EPRS1: variants seen among roughly 807,000 people sequenced by gnomAD.
The protein encoded by EPRS1 is glutamyl-prolyl-tRNA synthetase 1, also known as bifunctional glutamate/proline--tRNA ligase.
Under a neutral mutation model 188.3 loss-of-function variants are expected in EPRS1, and 107 were observed. The ratio of observed to expected loss-of-function variants is 0.57; its 90% CI spans 0.49 to 0.67. The LOEUF (loss-of-function observed/expected upper bound fraction) is 0.67, where lower values mean the gene tolerates loss of function less well. EPRS1 is among the 30% of genes least tolerant of loss of function. EPRS1 has a pLI of 0.00. For synonymous variants in EPRS1, 596 were observed against 593.1 expected (o/e 1.00, Z -0.07); for missense variants, 1,577 against 1,802.2 (o/e 0.88, Z 2.26).
intron 13 of EPRS1, among the ~76,000 whole-genome samples, chr1:220,010,575 G>A (rs985266086): frequency 2.3e-4 from 35 of 152,096 alleles, no homozygotes; most frequent in African/African-American, 6.8e-4. Context: ...ACTTTGGGAG[G>A]CCGACGCAGG....
chr1:220,036,963 A>T (rs1662193357), intron 2 of EPRS1, among the ~76,000 whole-genome samples: 1 of 152,172 alleles, frequency 6.6e-6, no homozygotes, highest in African/African-American at 2.4e-5. Flanking sequence ...TAATAGCCAA[A>T]ATTAAAAACC....
chr1:219,988,440 C>G (rs1558046627), intron 19 of EPRS1, 150 bp downstream of exon 19: 2 of 610,310 alleles, frequency 3.3e-6, no homozygotes, highest in African/African-American at 3.7e-5. Context: ...AAACAATCAA[C>G]AAAGTTTCTC....
At chr1:220,043,937 G>A (rs1662349417) in intron 1 of EPRS1, among the ~76,000 whole-genome samples, 1 of 152,140 alleles carries the variant, frequency 6.6e-6, no homozygotes, top group Admixed American at 6.6e-5. Flanking sequence ...ATAGAACAAG[G>A]ATGGGGTCTG....
At chr1:220,040,570 G>GC (rs1310926481) in intron 1 of EPRS1, among the ~76,000 whole-genome samples, 1 of 152,228 alleles carries the variant, frequency 6.6e-6, no homozygotes. Flanking sequence ...TATAGTGCCA[G>GC]CCAGGCATGG....
At chr1:219,994,018 A>T (rs1661175382) in intron 18 of EPRS1, among the ~76,000 whole-genome samples, 2 of 152,218 alleles carry the variant, frequency 1.3e-5, no homozygotes, top group Non-Finnish European at 2.9e-5. Context: ...AGAAACATTT[A>T]CTACTATTAG....
In EPRS1 at chr1:220,033,523, A is replaced by G; in HGVS notation, c.367T>C (p.Cys123Arg). Residue 123 changes from cysteine (C) to arginine (R), a missense_variant, in exon 4 of 32, where the codon TGT becomes CGT. Coordinates refer to ENST00000366923, the MANE Select transcript of EPRS1 (RefSeq NM_004446.3). ...VGNSLSLADL[C>R]VWATLKGNAA... The stretch of plus-strand genomic sequence containing the variant: ...ATACCTTTTAGGGTGGCCCAAACAC[A>G]TAAATCTGCTAAACTCAAGGAGTTT... The G allele has an allele frequency of 1.2e-6, 2 of 1,611,630 alleles. No individual in the cohort carries two copies. The highest frequency in any genetic ancestry group is 8.5e-7 in the Non-Finnish European group (1 of 1,178,718).
intron 1 of EPRS1, among the ~76,000 whole-genome samples, chr1:220,044,700 A>AAAAC: frequency 7.7e-6 from 1 of 130,428 alleles, no homozygotes; most frequent in South Asian, 2.5e-4. Context: ...AAAAAAAAAA[A>AAAAC]AAAAAAAAAA....
intron 17 of EPRS1, among the ~76,000 whole-genome samples, chr1:219,997,967 A>G (rs1465382082): frequency 6.6e-6 from 1 of 152,166 alleles, no homozygotes; most frequent in Non-Finnish European, 1.5e-5. Context: ...ATTTACAGGT[A>G]TCTATTTGTG....
chr1:220,023,245 A>G (rs1251114540), intron 8 of EPRS1, among the ~76,000 whole-genome samples: 1 of 152,236 alleles, frequency 6.6e-6, no homozygotes, highest in Non-Finnish European at 1.5e-5. Flanking sequence ...AAACTGTTAA[A>G]CAATAATTTT....
chr1:220,008,167 G>C (rs1418774869), intron 13 of EPRS1, among the ~76,000 whole-genome samples: 3 of 150,678 alleles, frequency 2.0e-5, no homozygotes, highest in African/African-American at 7.3e-5. Flanking sequence ...CTGCAGCAAA[G>C]GAGAAAATAA....
At chr1:220,022,624 C>T (rs1252439325) in intron 8 of EPRS1, 106 bp from the exon 9 acceptor site, 12 of 925,400 alleles carry the variant, frequency 1.3e-5, no homozygotes, top group Non-Finnish European at 2.0e-5. Flanking sequence ...TTTATAACCA[C>T]CCTGTGTTAG....
intron 3 of EPRS1, 21 bp downstream of exon 3, chr1:220,034,893 A>C (rs773111432): frequency 8.8e-6 from 12 of 1,357,292 alleles, no homozygotes. Context: ...AAACACACAC[A>C]ACAAAATGTT....
intron 2 of EPRS1, among the ~76,000 whole-genome samples, chr1:220,037,819 A>T (rs190886882): frequency 3.9e-5 from 6 of 152,296 alleles, no homozygotes; most frequent in Admixed American, 2.0e-4. Context: ...GAAATCAGAA[A>T]GTTTCAGAAG....
At chr1:219,996,426 C>A (rs1661232662) in intron 18 of EPRS1, among the ~76,000 whole-genome samples, 1 of 152,174 alleles carries the variant, frequency 6.6e-6, no homozygotes, top group Non-Finnish European at 1.5e-5. Flanking sequence ...GTCCCTGGGA[C>A]AGTAGCATCT....
At chr1:219,994,109 T>G (rs559760948) in intron 18 of EPRS1, among the ~76,000 whole-genome samples, 1 of 152,212 alleles carries the variant, frequency 6.6e-6, no homozygotes, top group Admixed American at 6.5e-5. Flanking sequence ...CATAACGTTT[T>G]AGAGAAAAAA....
chr1:220,010,899 C>T (rs746036672), intron 13 of EPRS1, 47 bp downstream of exon 13: 1 of 1,083,598 alleles, frequency 9.2e-7, no homozygotes. Flanking sequence ...ATTTCCTGCT[C>T]CTTCTTTTAA....
At chr1:220,045,970 T>C (rs1342135410) in intron 1 of EPRS1, among the ~76,000 whole-genome samples, 1 of 152,236 alleles carries the variant, frequency 6.6e-6, no homozygotes, top group Non-Finnish European at 1.5e-5. Flanking sequence ...CGACGACTAT[T>C]GGATTTTAAG....
chr1:219,972,045 GA>G, intron 30 of EPRS1, 23 bp downstream of exon 30: 2 of 1,461,604 alleles, frequency 1.4e-6, no homozygotes, highest in Admixed American at 2.1e-5. Flanking sequence ...TTCTTATACT[GA>G]AAAGTTTTCC....
rs554059061 is a variant in EPRS1, at chr1:220,045,675, A to T, written c.46+668T>A. Among the ~76,000 whole-genome samples, 3 of 152,324 alleles carry T rather than the reference A, an allele frequency of 2.0e-5. No homozygotes were observed. In the East Asian group the frequency reaches 5.8e-4, roughly 29 times the overall value. On this transcript the variant is annotated intron_variant, in intron 1 of 31. Coordinates refer to ENST00000366923, the MANE Select transcript of EPRS1 (RefSeq NM_004446.3). ...CAGTAAGGTGACAGATCCAATGTTT[A>T]CTCTGAAATTTACTACACATCCACA...
Sources: gnomAD v4.1 joint callset for allele counts (sites outside exome capture counted in the v4.1 genomes callset) on GRCh38, gnomAD v4.1.1 for gene constraint, MANE v1.5 for transcripts, NCBI Gene and HGNC (gene_info 2026-07-23, HGNC 2026-07-21) for gene names.